NCOR1: variants seen among roughly 807,000 people sequenced by gnomAD.
The protein encoded by NCOR1 is protein phosphatase 1, regulatory subunit 109.
A neutral mutation model predicts 288.1 loss-of-function variants in NCOR1; 63 were observed. That is an observed-to-expected ratio of 0.22 (90% CI 0.18 to 0.27). The LOEUF is 0.27. Among genes scored for constraint, NCOR1 ranks in the 10% least tolerant of loss-of-function variants. NCOR1 has a pLI of 1.00. For missense variants in NCOR1, 2,397 were observed against 3,019.2 expected (o/e 0.79, Z 4.83); for synonymous variants, 1,007 against 1,065.9 (o/e 0.94, Z 1.08).
chr17:16,148,651 A>G (rs1182883205), intron 9 of NCOR1, among the ~76,000 whole-genome samples: 1 of 101,964 alleles, frequency 9.8e-6, no homozygotes, highest in Non-Finnish European at 1.8e-5. Context: ...CTTGATATTT[A>G]TATGTTCTTG....
In NCOR1 at chr17:16,075,578, T is replaced by C; in HGVS notation, c.3626A>G (p.His1209Arg). 6.2e-7 allele frequency: 1 copy of C among 1,614,258 alleles called. No homozygotes were observed. Among genetic ancestry groups the C allele is most frequent in the Non-Finnish European group, 8.5e-7 (1 of 1,180,044 alleles). ...TCCACTTTTGCCTTCATAAATAACA[T>C]GGCCTTTGGATGCAGCTTCCTCTCT... Reference protein sequence around the residue: ...KGREEAASKGHVIYEGKSGHI... With the variant: ...KGREEAASKGRVIYEGKSGHI... The change falls in exon 27 of 46, where the codon CAT (histidine) becomes CGT (arginine). Residue 1209 changes from histidine to arginine, a missense_variant. Physicochemically the swap from His to Arg is conservative, Grantham distance 29. Around this residue, in one of 11 missense-constraint regions of NCOR1, gnomAD observed 1,872 missense variants for 2,187.8 expected, o/e 0.86. Coordinates refer to ENST00000268712, the MANE Select transcript of NCOR1 (RefSeq NM_006311.4).
At chr17:16,194,135 C>T (rs1211992033) in intron 2 of NCOR1, among the ~76,000 whole-genome samples, 1 of 152,148 alleles carries the variant, frequency 6.6e-6, no homozygotes, top group African/African-American at 2.4e-5. Flanking sequence ...GCCAAGTTAT[C>T]TGGCCAGCTT....
chr17:16,179,586 G>A (rs2084948113), intron 3 of NCOR1, among the ~76,000 whole-genome samples: 2 of 152,164 alleles, frequency 1.3e-5, no homozygotes, highest in African/African-American at 4.8e-5. Flanking sequence ...CCAAAAAATA[G>A]AGCTAGAGGG....
intron 40 of NCOR1, among the ~76,000 whole-genome samples, chr17:16,051,886 GAAC>G (rs1454504615): frequency 1.3e-5 from 2 of 152,068 alleles, no homozygotes; most frequent in African/African-American, 4.8e-5. Flanking sequence ...ATTCCAGCCT[GAAC>G]AACAAGAGCG....
chr17:16,112,275 T>C lies in NCOR1; in HGVS notation c.2056-3363A>G, dbSNP rs551825986. Among the ~76,000 whole-genome samples, 6 of 152,342 alleles carry C rather than the reference T, an allele frequency of 3.9e-5. No individual in the cohort carries two copies. The South Asian group carries it at 1.2e-3, about 32-fold the overall frequency. On this transcript the variant is annotated intron_variant, in intron 18 of 45. Coordinates refer to ENST00000268712, the MANE Select transcript of NCOR1 (RefSeq NM_006311.4). Reference sequence around the variant, plus strand: ...TCAAGTCTTTATCTTGTCAGTAGACTTTTTCATGTTTTGGTTGCTACAGCA... The same window carrying C: ...TCAAGTCTTTATCTTGTCAGTAGACCTTTTCATGTTTTGGTTGCTACAGCA...
At chr17:16,173,392 T>G (rs761697273) in intron 3 of NCOR1, among the ~76,000 whole-genome samples, 4 of 152,146 alleles carry the variant, frequency 2.6e-5, no homozygotes, top group Non-Finnish European at 4.4e-5. Context: ...AATATGGTAT[T>G]GGAAATTACT....
chr17:16,105,368 G>A (rs1327233334), intron 19 of NCOR1, among the ~76,000 whole-genome samples: 2 of 152,004 alleles, frequency 1.3e-5, no homozygotes, highest in African/African-American at 2.4e-5. Flanking sequence ...AGTGAGCCAC[G>A]ATCGAGCCAC....
At chr17:16,080,257 G>T (rs2063197132) in intron 25 of NCOR1, 151 bp downstream of exon 25, 2 of 835,782 alleles carry the variant, frequency 2.4e-6, no homozygotes, top group Non-Finnish European at 3.6e-6. Context: ...GAACTTCAAG[G>T]TTTTAAAATG....
At chr17:16,201,293 T>C (rs1371092096) in intron 1 of NCOR1, among the ~76,000 whole-genome samples, 5 of 152,184 alleles carry the variant, frequency 3.3e-5, no homozygotes, top group Non-Finnish European at 5.9e-5. Flanking sequence ...AATCTATGGG[T>C]ACACATACTC....
intron 18 of NCOR1, among the ~76,000 whole-genome samples, chr17:16,114,767 C>T (rs1448307958): frequency 6.6e-6 from 1 of 152,236 alleles, no homozygotes; most frequent in Non-Finnish European, 1.5e-5. Context: ...AGCTCCAATC[C>T]TGTGGCTTTG....
chr17:16,042,635 G>A (rs1597725348), intron 42 of NCOR1, among the ~76,000 whole-genome samples: 1 of 152,224 alleles, frequency 6.6e-6, no homozygotes, highest in East Asian at 1.9e-4. Flanking sequence ...TAGCAGAATG[G>A]AAGGTAGACA....
intron 43 of NCOR1, 137 bp from the exon 44 acceptor site, chr17:16,039,791 G>T: frequency 2.7e-6 from 2 of 752,054 alleles, no homozygotes; most frequent in Admixed American, 5.3e-5. Context: ...CCACCACACA[G>T]AGACCTTTTT....
At chr17:16,130,850 A>AT (rs929397999) in intron 14 of NCOR1, among the ~76,000 whole-genome samples, 126 of 141,690 alleles carry the variant, frequency 8.9e-4, no homozygotes, top group Admixed American at 2.2e-3. Flanking sequence ...CACCTGGCTA[A>AT]TTTTTTTTTT....
At chr17:16,048,656 TATAA>T (rs796142721) in intron 41 of NCOR1, among the ~76,000 whole-genome samples, 185 bp downstream of exon 41, 13 of 152,176 alleles carry the variant, frequency 8.5e-5, no homozygotes, top group African/African-American at 3.1e-4. Flanking sequence ...AATATGATAT[TATAA>T]ATATTTTCTT....
At chr17:16,109,313 C>T (rs2069480934) in intron 18 of NCOR1, among the ~76,000 whole-genome samples, 2 of 151,980 alleles carry the variant, frequency 1.3e-5, no homozygotes, top group Non-Finnish European at 2.9e-5. Context: ...ACAAAAATCA[C>T]TGCTCATTAT....
intron 4 of NCOR1, among the ~76,000 whole-genome samples, chr17:16,168,674 C>T (rs933015396): frequency 1.3e-5 from 2 of 151,916 alleles, no homozygotes; most frequent in African/African-American, 4.8e-5. Context: ...AAAAAATCAA[C>T]CTAAATAATG....
At chr17:16,196,165 T>C (rs923338023) in intron 1 of NCOR1, among the ~76,000 whole-genome samples, 3 of 149,606 alleles carry the variant, frequency 2.0e-5, no homozygotes, top group African/African-American at 7.3e-5. Flanking sequence ...TATAATTTTA[T>C]ATATATAAAA....
At chr17:16,062,434 T>A (rs1398250736) in intron 35 of NCOR1, among the ~76,000 whole-genome samples, 164 bp from the exon 36 acceptor site, 1 of 152,208 alleles carries the variant, frequency 6.6e-6, no homozygotes, top group East Asian at 1.9e-4. Flanking sequence ...CAGAAATATG[T>A]TCTAAAAGTG....
intron 1 of NCOR1, among the ~76,000 whole-genome samples, chr17:16,207,002 A>C (rs2091587656): frequency 6.6e-6 from 1 of 152,170 alleles, no homozygotes; most frequent in Non-Finnish European, 1.5e-5. Flanking sequence ...TTTTGTGTGA[A>C]TATAAAGTAA....
Sources: allele counts gnomAD v4.1 joint callset (sites outside exome capture counted in the v4.1 genomes callset), GRCh38; gene constraint gnomAD v4.1.1; regional missense constraint gnomAD v4.1.1; transcripts MANE v1.5; gene names NCBI Gene and HGNC (gene_info 2026-07-23, HGNC 2026-07-21).